The following CEP85L variants were observed in gnomAD, a reference collection of about 807,000 sequenced individuals.
CEP85L encodes centrosomal protein of 85 kDa-like.
A neutral mutation model predicts 100.3 loss-of-function variants in CEP85L; 60 were observed. The observed-to-expected ratio is 0.60, with a 90% CI of 0.49 to 0.74. The LOEUF (loss-of-function observed/expected upper bound fraction) is 0.74. CEP85L is among the 30% of genes least tolerant of loss of function. The pLI, the probability that CEP85L is intolerant of heterozygous loss-of-function variation, is 0.00. For missense variants in CEP85L, 973 were observed against 936.2 expected (o/e 1.04, Z -0.51); for synonymous variants, 319 against 322.7 (o/e 0.99, Z 0.12).
intron 3 of CEP85L, among the ~76,000 whole-genome samples, chr6:118,543,902 A>C (rs1778048974): frequency 6.6e-6 from 1 of 152,226 alleles, no homozygotes; most frequent in African/African-American, 2.4e-5. Flanking sequence ...GGGTAGAAAA[A>C]CTAGTTAATA....
At chr6:118,511,778 C>T (rs1268140770) in intron 4 of CEP85L, among the ~76,000 whole-genome samples, 1 of 151,996 alleles carries the variant, frequency 6.6e-6, no homozygotes, top group Non-Finnish European at 1.5e-5. Flanking sequence ...AAATTACTTA[C>T]AAAGTAACTT....
rs1048892423 is a variant in CEP85L at position 118,461,905 on chromosome 6, T to A, written c.*3500A>T. 2 of 152,076 alleles carry A rather than the reference T, an allele frequency of 1.3e-5. No homozygotes were observed. Among genetic ancestry groups the A allele is most frequent in the Non-Finnish European group, 2.9e-5 (2 of 67,916 alleles). The allele number at this position is 152,076 out of a possible 1,614,324, so 9.4% of individuals were successfully genotyped here. On this transcript the variant is annotated 3_prime_UTR_variant, in exon 13 of 13. Coordinates refer to ENST00000368491, the MANE Select transcript of CEP85L (RefSeq NM_001042475.3). Reference sequence around the variant, plus strand: ...ATGCCAATAATCCAAACTAAAGGTGTGCCTAAGCTGAACTATGCTGTGAAA... The same window carrying A: ...ATGCCAATAATCCAAACTAAAGGTGAGCCTAAGCTGAACTATGCTGTGAAA...
intron 1 of CEP85L, among the ~76,000 whole-genome samples, chr6:118,684,041 A>C (rs981417834): frequency 6.6e-6 from 1 of 152,210 alleles, no homozygotes; most frequent in Non-Finnish European, 1.5e-5. Flanking sequence ...CAATGATTTC[A>C]TATCTATACT....
chr6:118,661,316 G>A (rs940878813), intron 1 of CEP85L, among the ~76,000 whole-genome samples: 47 of 152,236 alleles, frequency 3.1e-4, no homozygotes, highest in African/African-American at 1.1e-3. Flanking sequence ...TTATACATGT[G>A]TCCTATTAAT....
chr6:118,638,720 CA>C (rs1426456767), intron 1 of CEP85L, among the ~76,000 whole-genome samples: 1 of 151,592 alleles, frequency 6.6e-6, no homozygotes, highest in African/African-American at 2.4e-5. Context: ...TTACATTTTT[CA>C]ATACTAATTT....
At chr6:118,639,098 C>A (rs1774699444) in intron 1 of CEP85L, among the ~76,000 whole-genome samples, 1 of 152,030 alleles carries the variant, frequency 6.6e-6, no homozygotes, top group Non-Finnish European at 1.5e-5. Flanking sequence ...TATCTGTCAC[C>A]CATTAGTATG....
chr6:118,558,684 G>A (rs1583046557), intron 3 of CEP85L: 1 of 526,536 alleles, frequency 1.9e-6, no homozygotes, highest in South Asian at 2.1e-5. Context: ...GAGAGAGAGA[G>A]AGAGGGAGAG....
At chr6:118,614,086 A>G (rs1772850574) in intron 2 of CEP85L, among the ~76,000 whole-genome samples, 1 of 152,244 alleles carries the variant, frequency 6.6e-6, no homozygotes, top group Admixed American at 6.5e-5. Context: ...TTTTAAATCA[A>G]GTAATAAAAT....
intron 12 of CEP85L, among the ~76,000 whole-genome samples, chr6:118,468,155 C>A (rs1033788724): frequency 1.8e-4 from 28 of 152,114 alleles, no homozygotes; most frequent in African/African-American, 6.8e-4. Context: ...CATAGTTGAG[C>A]ACAGATAATG....
intron 3 of CEP85L, among the ~76,000 whole-genome samples, chr6:118,531,656 A>C (rs1453346447): frequency 1.3e-5 from 2 of 152,194 alleles, no homozygotes; most frequent in African/African-American, 2.4e-5. Flanking sequence ...GAACTTAAAC[A>C]AATTTACAAG....
At chr6:118,599,201 G>A (rs1014984287) in intron 2 of CEP85L, among the ~76,000 whole-genome samples, 1 of 152,122 alleles carries the variant, frequency 6.6e-6, no homozygotes, top group Non-Finnish European at 1.5e-5. Context: ...GAGCTCATTG[G>A]TGAAATGATT....
intron 1 of CEP85L, among the ~76,000 whole-genome samples, chr6:118,644,492 T>G (rs1187553764): frequency 4.6e-5 from 7 of 152,118 alleles, no homozygotes; most frequent in African/African-American, 1.7e-4. Flanking sequence ...CAACTTCATA[T>G]TCAACATCTC....
intron 3 of CEP85L, among the ~76,000 whole-genome samples, chr6:118,531,092 C>T (rs1364490017): frequency 2.6e-5 from 4 of 152,094 alleles, no homozygotes; most frequent in African/African-American, 9.7e-5. Context: ...ATAACGTTAC[C>T]CAACTTCAGA....
intron 1 of CEP85L, among the ~76,000 whole-genome samples, chr6:118,702,754 TG>T (rs1288227129): frequency 7.2e-5 from 11 of 152,204 alleles, no homozygotes; most frequent in Non-Finnish European, 1.2e-4. Flanking sequence ...CCTAGCACTT[TG>T]GGAGTCTGAG....
intron 3 of CEP85L, among the ~76,000 whole-genome samples, chr6:118,528,836 T>G (rs1368387021): frequency 6.6e-6 from 1 of 152,156 alleles, no homozygotes; most frequent in Non-Finnish European, 1.5e-5. Flanking sequence ...AAAAAAATCA[T>G]ATTGTGAAGT....
chr6:118,489,601 T>C (rs558400646), intron 6 of CEP85L, among the ~76,000 whole-genome samples: 1 of 152,148 alleles, frequency 6.6e-6, no homozygotes, highest in Non-Finnish European at 1.5e-5. Flanking sequence ...AACCATCTCG[T>C]GCCTGTTAGG....
rs545387411 is a variant in CEP85L, at chr6:118,692,515, A to C, written c.-28+17521T>G. 3.3e-5 allele frequency among the ~76,000 whole-genome samples: 5 copies of C among 152,268 alleles called. No individual in the cohort carries two copies. In the East Asian group the frequency reaches 9.6e-4, roughly 29 times the overall value. ...AAGGTCAACCTCCCCTATCAAGAAG[A>C]GATGCTCTCTCATTGACTACTTTGA... On this transcript the variant is annotated intron_variant, in intron 1 of 13. Coordinates refer to the CEP85L transcript ENST00000368488.
chr6:118,687,996 C>G (rs1776893340), intron 1 of CEP85L, among the ~76,000 whole-genome samples: 1 of 152,174 alleles, frequency 6.6e-6, no homozygotes, highest in Non-Finnish European at 1.5e-5. Context: ...ACACTCACCG[C>G]ATGGCCCAAG....
At chr6:118,493,308 AAT>A (rs1447847738) in intron 5 of CEP85L, among the ~76,000 whole-genome samples, 1 of 152,174 alleles carries the variant, frequency 6.6e-6, no homozygotes, top group Non-Finnish European at 1.5e-5. Context: ...AAAACTTACA[AAT>A]CTAGGTTGCA....
Sources: allele counts gnomAD v4.1 joint callset (sites outside exome capture counted in the v4.1 genomes callset), GRCh38; gene constraint gnomAD v4.1.1; transcripts MANE v1.5; gene names NCBI Gene and HGNC (gene_info 2026-07-23, HGNC 2026-07-21).